TRABD2A: variants seen among roughly 807,000 people sequenced by gnomAD.
TRABD2A encodes TraB domain containing 2A.
TRABD2A carries 43 observed loss-of-function variants against 45.6 expected under a neutral mutation model. That is an observed-to-expected ratio of 0.94 (90% CI 0.74 to 1.22). TRABD2A has a LOEUF of 1.22. TRABD2A is among the 50% of genes most tolerant of loss of function. TRABD2A has a pLI of 0.00. For missense variants in TRABD2A, 642 were observed against 652.4 expected (o/e 0.98, Z 0.17); for synonymous variants, 269 against 265.0 (o/e 1.02, Z -0.15).
chr2:84,879,182 CTTTT>C (rs34005884), intron 1 of TRABD2A, among the ~76,000 whole-genome samples: 37 of 137,000 alleles, frequency 2.7e-4, no homozygotes, highest in African/African-American at 2.7e-4. Context: ...GTTTTCAATA[CTTTT>C]TTTTTTTTTT....
chr2:84,833,424 A>C (rs1457386574), intron 4 of TRABD2A: 2 of 152,244 alleles, frequency 1.3e-5, no homozygotes, highest in Non-Finnish European at 2.9e-5. Context: ...AAGTGATTAT[A>C]GTTTCCACTT....
Position 84,821,785 on chromosome 2 carries a change from A to G in TRABD2A, c.*132T>C. On this transcript the variant is annotated 3_prime_UTR_variant, in exon 7 of 7. Transcript: ENST00000409520. ...CACATTCCTTGGAAAGAGAAGAATC[A>G]ACACTGGGCCGCTTTTTCAAGAGCA... The G allele has an allele frequency of 4.2e-6, 4 of 957,900 alleles. No individual in the cohort carries two copies. Among genetic ancestry groups the G allele is most frequent in the East Asian group, 6.3e-5 (2 of 31,614 alleles). The allele number at this position is 957,900 out of a possible 1,614,324, so 59.3% of individuals were successfully genotyped here.
At chr2:84,867,113 T>C (rs896536274) in intron 2 of TRABD2A, among the ~76,000 whole-genome samples, 10 of 152,144 alleles carry the variant, frequency 6.6e-5, no homozygotes, top group African/African-American at 2.4e-4. Flanking sequence ...GTGAGTATTT[T>C]ACTGTTTATC....
chr2:84,844,583 A>G (rs999619901), intron 2 of TRABD2A, among the ~76,000 whole-genome samples: 1 of 152,204 alleles, frequency 6.6e-6, no homozygotes, highest in Admixed American at 6.5e-5. Context: ...ACTGATCTAA[A>G]TGAGACAACT....
intron 2 of TRABD2A, among the ~76,000 whole-genome samples, chr2:84,859,618 G>T (rs534590911): frequency 2.2e-4 from 34 of 152,148 alleles, no homozygotes; most frequent in African/African-American, 8.0e-4. Context: ...TTGAGGTAAC[G>T]CACTGTGGCA....
rs149587633 is a variant in TRABD2A at position 84,840,683 on chromosome 2, A to G, written c.816+1178T>C. Among the ~76,000 whole-genome samples, 127 of 152,268 alleles carry G rather than the reference A, an allele frequency of 8.3e-4. 2 individuals carry two copies. The South Asian group carries it at 0.021, about 25-fold the overall frequency. On this transcript the variant is annotated intron_variant, in intron 3 of 6. Transcript: ENST00000409520. Reference sequence around the variant, plus strand: ...TGCTGCTTCAAATGTCAATTTCCCAATTGATCTTGACTTTTCTCCCCCCTT... The same window carrying G: ...TGCTGCTTCAAATGTCAATTTCCCAGTTGATCTTGACTTTTCTCCCCCCTT...
intron 1 of TRABD2A, 63 bp from the exon 2 acceptor site, chr2:84,870,848 G>A: frequency 2.2e-6 from 3 of 1,394,778 alleles, no homozygotes; most frequent in Non-Finnish European, 2.9e-6. Flanking sequence ...AGGAACCTGT[G>A]AGAGGAAATG....
intron 2 of TRABD2A, among the ~76,000 whole-genome samples, chr2:84,854,121 T>C (rs1177523491): frequency 1.3e-5 from 2 of 151,538 alleles, no homozygotes; most frequent in Non-Finnish European, 1.5e-5. Flanking sequence ...AAAAATACAG[T>C]ATAACAACTA....
chr2:84,853,389 A>T (rs1682164979), intron 2 of TRABD2A, among the ~76,000 whole-genome samples: 1 of 152,204 alleles, frequency 6.6e-6, no homozygotes, highest in Admixed American at 6.5e-5. Flanking sequence ...CCTTCGTCAC[A>T]TGGCAGCAGG....
chr2:84,825,332 C>T (rs556632984), intron 5 of TRABD2A, among the ~76,000 whole-genome samples: 14 of 152,042 alleles, frequency 9.2e-5, no homozygotes, highest in South Asian at 2.1e-4. Flanking sequence ...TATTAATGGC[C>T]GTGTGTGAGG....
In TRABD2A at chr2:84,824,168, C is replaced by T. The variant is rs1422460650; in HGVS notation, c.1119G>A (p.Leu373=). 1 of 1,613,832 alleles carries T rather than the reference C, an allele frequency of 6.2e-7. No individual in the cohort carries two copies. Among genetic ancestry groups the T allele is most frequent in the African/African-American group, 1.3e-5 (1 of 74,920 alleles). The part of the protein sequence containing the change: ...KSKKTSTRPT[L]STIFAPKVPT... The stretch of plus-strand genomic sequence containing the variant: ...GGACTTTTGGAGCAAAGATGGTGGA[C>T]AGAGTGGGCCGTGTGGAGGTCTTTT... Residue 373 remains leucine (L), a synonymous_variant, in exon 6 of 7, where the codon CTG becomes CTA. Transcript: ENST00000409520.
intron 2 of TRABD2A, among the ~76,000 whole-genome samples, chr2:84,856,369 CA>C (rs1682304731): frequency 6.6e-6 from 1 of 152,064 alleles, no homozygotes; most frequent in Non-Finnish European, 1.5e-5. Context: ...ACTGGCCCCT[CA>C]AACCAAGGAG....
Position 84,841,935 on chromosome 2 carries a change from T to C in TRABD2A, c.742A>G (p.Thr248Ala). The C allele has an allele frequency of 1.3e-6, 2 of 1,548,672 alleles. No homozygotes were observed. The highest frequency in any genetic ancestry group is 1.7e-6 in the Non-Finnish European group (2 of 1,146,170). Residue 248 changes from threonine to alanine, a missense_variant, in exon 3 of 7, where the codon ACG becomes GCG. Physicochemically the swap from Thr to Ala is moderately conservative, Grantham distance 58. Transcript: ENST00000409520. Reference sequence around the variant, plus strand: ...TAGTGTTTGATGAGATCCTCCGTCGTGTAGGGGATCTGAAGACTGCCTGCT... The same window carrying C: ...TAGTGTTTGATGAGATCCTCCGTCGCGTAGGGGATCTGAAGACTGCCTGCT... ...LRAGSLQIPYTTEDLIKHYNC... is the reference protein window; with the variant it reads ...LRAGSLQIPYATEDLIKHYNC...
rs1031260886 is a variant in TRABD2A, at chr2:84,841,905, A to G, written c.772T>C (p.Cys258Arg). 1.3e-6 allele frequency: 2 copies of G among 1,547,630 alleles called. No individual in the cohort carries two copies. The highest frequency in any genetic ancestry group is 2.7e-5 in the African/African-American group (2 of 72,918). The change falls in exon 3 of 7, where the codon TGC (cysteine) becomes CGC (arginine). Residue 258 changes from cysteine (C) to arginine (R), a missense_variant. Cys to Arg is a radical substitution (Grantham distance 180). Transcript: ENST00000409520. ...AGGATGACGGAGCTGAGGTCCCCGCAGTTATAGTGTTTGATGAGATCCTCC... is the reference window on the plus strand; with the variant it reads ...AGGATGACGGAGCTGAGGTCCCCGCGGTTATAGTGTTTGATGAGATCCTCC... ...TTEDLIKHYN[C>R]GDLSSVILSH...
At chr2:84,879,476 G>T in intron 1 of TRABD2A, 1 of 474,964 alleles carries the variant, frequency 2.1e-6, no homozygotes, top group Non-Finnish European at 2.7e-6. Flanking sequence ...CTACCATGCC[G>T]GGCTTCTTTG....
chr2:84,870,078 C>CT (rs35902901), intron 2 of TRABD2A, 147 bp downstream of exon 2: 268 of 813,206 alleles, frequency 3.3e-4, no homozygotes, highest in Non-Finnish European at 4.0e-4. Flanking sequence ...GACCACTTGG[C>CT]TTTTTTTTTA....
rs150346693 is a variant in TRABD2A, at chr2:84,866,510, T to C, written c.669+3715A>G. Among the ~76,000 whole-genome samples, 12 of 152,288 alleles carry C rather than the reference T, an allele frequency of 7.9e-5. No individual in the cohort carries two copies. In the East Asian group the frequency reaches 1.2e-3, roughly 15 times the overall value. ...TTCTTTGAAAAAAAATCTTTGTCTA[T>C]AGGAAACCAAGAAGAAAAACAATTT... On this transcript the variant is annotated intron_variant, in intron 2 of 6. Coordinates refer to ENST00000409520, the MANE Select transcript of TRABD2A (RefSeq NM_001277053.2).
intron 1 of TRABD2A, among the ~76,000 whole-genome samples, chr2:84,872,817 T>C (rs1332798543): frequency 6.6e-6 from 1 of 152,150 alleles, no homozygotes; most frequent in Non-Finnish European, 1.5e-5. Context: ...GTGCTTCTAC[T>C]GAAAGGCACC....
intron 2 of TRABD2A, among the ~76,000 whole-genome samples, chr2:84,859,618 G>A (rs534590911): frequency 6.6e-6 from 1 of 152,266 alleles, no homozygotes; most frequent in South Asian, 2.1e-4. Context: ...TTGAGGTAAC[G>A]CACTGTGGCA....
Sources: gnomAD v4.1 joint callset for allele counts (sites outside exome capture counted in the v4.1 genomes callset) on GRCh38, gnomAD v4.1.1 for gene constraint, MANE v1.5 for transcripts, NCBI Gene and HGNC (gene_info 2026-07-23, HGNC 2026-07-21) for gene names.